PCDHA11: variants seen among roughly 807,000 people sequenced by gnomAD.
PCDHA11 encodes protocadherin alpha-11.
PCDHA11 carries 61 observed loss-of-function variants against 70.3 expected under a neutral mutation model. The ratio of observed to expected loss-of-function variants is 0.87; its 90% CI spans 0.71 to 1.07. The LOEUF is 1.07. Among genes scored for constraint, PCDHA11 ranks in the 50% least tolerant of loss-of-function variants. The pLI is 0.00. For missense variants in PCDHA11, 1,324 were observed against 1,237.5 expected, an observed-to-expected ratio of 1.07 and a Z score of -1.05; for synonymous variants, 633 against 555.1, an observed-to-expected ratio of 1.14 and a Z score of -1.97.
At chr5:140,900,712 A>G (rs1408382305) in intron 1 of PCDHA11, among the ~76,000 whole-genome samples, 2 of 152,234 alleles carry the variant, frequency 1.3e-5, no homozygotes, top group Non-Finnish European at 2.9e-5. Context: ...TTGGAAAGAA[A>G]GGAAATCCTA....
Position 141,012,063 on chromosome 5 carries a change from T to C in PCDHA11, c.*2126T>C, listed in dbSNP as rs948658172. ...TGGGGTAAAACTTGTTACCAACACATGTGAACCATTGCTACATTGTAGGTT... is the reference window on the plus strand; with the variant it reads ...TGGGGTAAAACTTGTTACCAACACACGTGAACCATTGCTACATTGTAGGTT... On this transcript the variant is annotated 3_prime_UTR_variant, in exon 4 of 4. Transcript: ENST00000398640. The C allele has an allele frequency of 1.3e-5, 2 of 153,778 alleles. No individual in the cohort carries two copies. The highest frequency in any genetic ancestry group is 3.8e-4 in the East Asian group (2 of 5,196). The allele number at this position is 153,778 out of a possible 1,614,324, so 9.5% of individuals were successfully genotyped here. A position where few individuals can be genotyped will look rare whatever the true frequency, so the allele number is the denominator to read the frequency against.
At chr5:140,885,581 G>A (rs984552337) in intron 1 of PCDHA11, among the ~76,000 whole-genome samples, 5 of 152,098 alleles carry the variant, frequency 3.3e-5, no homozygotes, top group African/African-American at 1.2e-4. Flanking sequence ...ATGTGGAATT[G>A]ATGCATCAAA....
chr5:140,901,234 T>A (rs1013983503), intron 1 of PCDHA11, among the ~76,000 whole-genome samples: 4 of 152,156 alleles, frequency 2.6e-5, no homozygotes, highest in African/African-American at 9.7e-5. Context: ...ATATATCCAT[T>A]TTTTTCCTTT....
At chr5:140,990,900 G>C (rs1164287326) in intron 3 of PCDHA11, among the ~76,000 whole-genome samples, 1 of 152,114 alleles carries the variant, frequency 6.6e-6, no homozygotes, top group Non-Finnish European at 1.5e-5. Flanking sequence ...TCGTTGCTGG[G>C]TCAAGTTTTA....
intron 3 of PCDHA11, among the ~76,000 whole-genome samples, chr5:140,997,807 G>A (rs557351308): frequency 4.5e-4 from 68 of 152,118 alleles, no homozygotes; most frequent in African/African-American, 1.5e-3. Context: ...CCAATTTGCT[G>A]TTGGTATCTA....
intron 1 of PCDHA11, among the ~76,000 whole-genome samples, chr5:140,971,333 G>A (rs1015985935): frequency 6.6e-6 from 1 of 152,194 alleles, no homozygotes. Context: ...AATTATTTCA[G>A]AAAGTGCTTG....
Position 140,896,030 on chromosome 5 carries a change from C to T in PCDHA11, c.2391+24536C>T, listed in dbSNP as rs180907288. On this transcript the variant is annotated intron_variant, in intron 1 of 3. Transcript: ENST00000398640. ...TTCTCCATGTTGGCCAGGCTGGTCT[C>T]GAACTCCTGACCTCAGGTGATCCGC... Among the ~76,000 whole-genome samples, 1,221 of 152,240 alleles carry T rather than the reference C, an allele frequency of 8.0e-3. 6 individuals are homozygous for T. The highest frequency in any genetic ancestry group is 0.019 in the African/African-American group (785 of 41,560).
intron 1 of PCDHA11, among the ~76,000 whole-genome samples, chr5:140,917,286 C>T (rs155803): frequency 0.32 from 46,630 of 146,510 alleles, 7,654 homozygotes; most frequent in East Asian, 0.52. Context: ...GACGCTTTTC[C>T]GTGTGCAGAT....
At chr5:140,882,369 C>T (rs1554173809) in intron 1 of PCDHA11, 1 of 1,614,222 alleles carries the variant, frequency 6.2e-7, no homozygotes, top group South Asian at 1.1e-5. Context: ...CTCCACTACT[C>T]CGTCCCCGAG....
chr5:140,957,328 G>A (rs1312649094), intron 1 of PCDHA11, among the ~76,000 whole-genome samples: 1 of 152,134 alleles, frequency 6.6e-6, no homozygotes, highest in Admixed American at 6.5e-5. Context: ...GCACAGTACA[G>A]TAAGATATTT....
intron 3 of PCDHA11, among the ~76,000 whole-genome samples, chr5:141,003,410 C>T (rs1282162216): frequency 1.3e-5 from 2 of 152,110 alleles, no homozygotes; most frequent in Non-Finnish European, 2.9e-5. Flanking sequence ...CTCCCGGGTT[C>T]GAGTGATTCT....
intron 1 of PCDHA11, among the ~76,000 whole-genome samples, chr5:140,893,236 T>C (rs1554185562): frequency 6.6e-6 from 1 of 152,236 alleles, no homozygotes. Flanking sequence ...TTTGACATAC[T>C]GGTTTCCTTT....
In PCDHA11 at chr5:140,869,934, A is replaced by ATTTTTTTTC; in HGVS notation, c.831_832insTTTTTTTTC (p.Val277_Thr278insPhePhePhe). On this transcript the variant is annotated inframe_insertion, in exon 1 of 4. Transcript: ENST00000398640. ...GAGACGAAGGAGTCAATGGAGAGGT[A>ATTTTTTTTC]ACATACTCCTTAATGTCAATTAAGC... 6.2e-7 allele frequency: 1 copy of ATTTTTTTTC among 1,612,052 alleles called. No individual in the cohort carries two copies. The highest frequency in any genetic ancestry group is 1.3e-5 in the African/African-American group (1 of 75,054).
chr5:140,989,575 G>A (rs2097349164), intron 3 of PCDHA11, among the ~76,000 whole-genome samples: 3 of 152,210 alleles, frequency 2.0e-5, no homozygotes. Flanking sequence ...GGCAAGCCCT[G>A]TCCTCAGCCT....
chr5:140,873,989 T>C (rs1264143469), intron 1 of PCDHA11, among the ~76,000 whole-genome samples: 3 of 152,222 alleles, frequency 2.0e-5, no homozygotes, highest in African/African-American at 7.2e-5. Context: ...TTCCTTAGCA[T>C]GTATGGTACA....
At chr5:140,896,608 C>A (rs1356168334) in intron 1 of PCDHA11, among the ~76,000 whole-genome samples, 2 of 151,832 alleles carry the variant, frequency 1.3e-5, no homozygotes, top group Non-Finnish European at 2.9e-5. Context: ...AACTCCTGGT[C>A]TTAAGTGATC....
chr5:140,883,762 G>T, intron 1 of PCDHA11: 3 of 1,612,794 alleles, frequency 1.9e-6, no homozygotes, highest in Non-Finnish European at 2.5e-6. Context: ...TGGAGCGGCG[G>T]GTGGGCGAGC....
At chr5:140,968,067 T>G in intron 1 of PCDHA11, 1 of 1,614,082 alleles carries the variant, frequency 6.2e-7, no homozygotes, top group Non-Finnish European at 8.5e-7. Context: ...CGGGTGGCTG[T>G]CTACAACATC....
intron 1 of PCDHA11, chr5:140,927,446 TG>T: frequency 2.1e-5 from 34 of 1,614,128 alleles, no homozygotes; most frequent in Non-Finnish European, 2.5e-5. Flanking sequence ...TACCCGGAGT[TG>T]GTGTTGGAGA....
Sources: allele counts gnomAD v4.1 joint callset (sites outside exome capture counted in the v4.1 genomes callset), GRCh38; gene constraint gnomAD v4.1.1; transcripts MANE v1.5; gene names NCBI Gene and HGNC (gene_info 2026-07-23, HGNC 2026-07-21).